SUGCT: variants seen among roughly 807,000 people sequenced by gnomAD.
SUGCT encodes the protein succinyl-CoA:glutarate-CoA transferase.
SUGCT carries 41 observed loss-of-function variants against 55.0 expected under a neutral mutation model. That is an observed-to-expected ratio of 0.74 (90% CI 0.58 to 0.97). The LOEUF (loss-of-function observed/expected upper bound fraction) is 0.97, where lower values mean the gene tolerates loss of function less well. Among genes scored for constraint, SUGCT ranks in the 50% least tolerant of loss-of-function variants. The pLI, the probability that SUGCT is intolerant of heterozygous loss-of-function variation, is 0.00. For synonymous variants in SUGCT, 187 were observed against 200.4 expected, an observed-to-expected ratio of 0.93 and a Z score of 0.56; for missense variants, 568 against 547.8, an observed-to-expected ratio of 1.04 and a Z score of -0.37.
chr7:40,251,759 A>C (rs367767907), intron 7 of SUGCT, among the ~76,000 whole-genome samples: 5 of 151,752 alleles, frequency 3.3e-5, no homozygotes, highest in Admixed American at 2.0e-4. Context: ...ATTTAGATTC[A>C]GTCAACTGGC....
rs1470803391 is a variant in SUGCT at position 40,135,050 on chromosome 7, T to G, written c.30T>G (p.Ala10=). Reference sequence around the variant, plus strand: ...TGGCGACGCTGGCGAGGGTGGCAGCTCTGCGCAGAACCTGCCTCTTCTCCG... The same window carrying G: ...TGGCGACGCTGGCGAGGGTGGCAGCGCTGCGCAGAACCTGCCTCTTCTCCG... MLATLARVA[A]LRRTCLFSGR... Residue 10 remains alanine, a synonymous_variant, in exon 1 of 14, where the codon GCT becomes GCG. Transcript: ENST00000335693. The G allele has an allele frequency of 6.4e-7, 1 of 1,562,296 alleles. No individual in the cohort carries two copies. The highest frequency in any genetic ancestry group is 8.7e-7 in the Non-Finnish European group (1 of 1,154,768).
intron 6 of SUGCT, among the ~76,000 whole-genome samples, chr7:40,208,669 T>C (rs1787147642): frequency 6.6e-6 from 1 of 152,082 alleles, no homozygotes; most frequent in South Asian, 2.1e-4. Context: ...CTCAGGCTCC[T>C]GAGTAGCTGG....
At chr7:40,636,807 G>A (rs925005452) in intron 12 of SUGCT, among the ~76,000 whole-genome samples, 2 of 146,000 alleles carry the variant, frequency 1.4e-5, no homozygotes, top group African/African-American at 2.8e-5. Flanking sequence ...AAGCCATATT[G>A]TCTGCATCCA....
chr7:40,938,021 G>A, the SUGCT span, among the ~76,000 whole-genome samples: 19 of 152,190 alleles, frequency 1.2e-4, no homozygotes, highest in Admixed American at 7.2e-4. Flanking sequence ...AAGATCTATT[G>A]CCTCTGTTGA....
chr7:40,157,242 A>T (rs112278143), intron 1 of SUGCT, among the ~76,000 whole-genome samples: 2 of 151,882 alleles, frequency 1.3e-5, no homozygotes, highest in Non-Finnish European at 2.9e-5. Context: ...GATCCCAGGG[A>T]TCTTCCCCTT....
At chr7:40,216,787 G>T (rs1023034197) in intron 6 of SUGCT, among the ~76,000 whole-genome samples, 6 of 151,798 alleles carry the variant, frequency 4.0e-5, no homozygotes, top group African/African-American at 1.5e-4. Flanking sequence ...ACCTGGGAGG[G>T]GGAGGTTGCA....
chr7:40,975,178 A>G, the SUGCT span, among the ~76,000 whole-genome samples: 1 of 152,186 alleles, frequency 6.6e-6, no homozygotes, highest in African/African-American at 2.4e-5. Context: ...ATGGTTTTGT[A>G]TACATTTCCC....
intron 11 of SUGCT, among the ~76,000 whole-genome samples, chr7:40,465,999 A>G (rs950329894): frequency 6.6e-6 from 1 of 152,130 alleles, no homozygotes; most frequent in Non-Finnish European, 1.5e-5. Context: ...CTCCTGCTTC[A>G]GTCTCCCAAG....
chr7:40,369,668 C>G (rs1455706746), intron 9 of SUGCT, among the ~76,000 whole-genome samples: 8 of 152,100 alleles, frequency 5.3e-5, no homozygotes, highest in Admixed American at 5.2e-4. Context: ...AAGGTTGAAT[C>G]CAATCTGGAT....
At chr7:40,350,794 AC>A (rs1427507936) in intron 9 of SUGCT, among the ~76,000 whole-genome samples, 1 of 148,040 alleles carries the variant, frequency 6.8e-6, no homozygotes, top group East Asian at 2.0e-4. Flanking sequence ...CTCCCCCGCA[AC>A]CCCCCCGACA....
intron 12 of SUGCT, among the ~76,000 whole-genome samples, chr7:40,586,552 G>A (rs1451657676): frequency 3.9e-5 from 6 of 152,090 alleles, no homozygotes. Flanking sequence ...GGTGTTTTAA[G>A]TAAGGAATAT....
At chr7:40,984,532 A>AT in the SUGCT span, among the ~76,000 whole-genome samples, 2,199 of 152,046 alleles carry the variant, frequency 0.014, 24 homozygotes, top group Non-Finnish European at 0.019. Flanking sequence ...CTTCCCCTCA[A>AT]TTTTTTCCTA....
At chr7:40,817,234 C>T (rs1791717796) in intron 13 of SUGCT, among the ~76,000 whole-genome samples, 1 of 152,168 alleles carries the variant, frequency 6.6e-6, no homozygotes, top group Non-Finnish European at 1.5e-5. Context: ...TGGTCCTCTA[C>T]CCATGGGGAA....
intron 9 of SUGCT, among the ~76,000 whole-genome samples, chr7:40,429,677 C>T (rs1787790424): frequency 6.6e-6 from 1 of 152,182 alleles, no homozygotes. Flanking sequence ...ACGCTGGCAG[C>T]TGATTAGATG....
At chr7:40,912,331 T>A in the SUGCT span, among the ~76,000 whole-genome samples, 1 of 152,234 alleles carries the variant, frequency 6.6e-6, no homozygotes, top group Non-Finnish European at 1.5e-5. Flanking sequence ...GGTTTATGGT[T>A]GTTGTATCTT....
chr7:40,181,624 TAGTCCCATCTACTCGGG>T (rs921250138), intron 2 of SUGCT, among the ~76,000 whole-genome samples: 1 of 151,942 alleles, frequency 6.6e-6, no homozygotes, highest in African/African-American at 2.4e-5. Flanking sequence ...TGGGCACCTG[TAGTCCCATCTACTCGGG>T]AGGCTGAGGC....
chr7:40,717,214 T>C (rs894758628), intron 12 of SUGCT, among the ~76,000 whole-genome samples: 1 of 152,236 alleles, frequency 6.6e-6, no homozygotes. Flanking sequence ...ACTTTCTCCT[T>C]AGTTCAGCTA....
chr7:40,626,452 C>T (rs1584157009), intron 12 of SUGCT, among the ~76,000 whole-genome samples: 1 of 151,186 alleles, frequency 6.6e-6, no homozygotes, highest in Non-Finnish European at 1.5e-5. Context: ...TGAGGTTTCA[C>T]TGTGTTAACC....
intron 11 of SUGCT, among the ~76,000 whole-genome samples, chr7:40,492,842 C>G (rs1791764265): frequency 1.3e-5 from 2 of 152,140 alleles, no homozygotes; most frequent in South Asian, 4.1e-4. Context: ...TGTAATTCAT[C>G]TATTTTCATA....
Sources: allele counts gnomAD v4.1 joint callset (sites outside exome capture counted in the v4.1 genomes callset), GRCh38; gene constraint gnomAD v4.1.1; transcripts MANE v1.5; gene names NCBI Gene and HGNC (gene_info 2026-07-23, HGNC 2026-07-21).